Variants in KCNJ3 observed in about 807,000 individuals in gnomAD.
KCNJ3 encodes G protein-activated inward rectifier potassium channel 1.
KCNJ3 carries 4 observed loss-of-function variants against 39.2 expected under a neutral mutation model. That is an observed-to-expected ratio of 0.10 (90% CI 0.05 to 0.23). The LOEUF (loss-of-function observed/expected upper bound fraction) is 0.23. Among genes scored for constraint, KCNJ3 ranks in the 10% least tolerant of loss-of-function variants. KCNJ3 has a pLI of 1.00. For missense variants in KCNJ3, 276 were observed against 634.9 expected, an observed-to-expected ratio of 0.43 and a Z score of 6.08; for synonymous variants, 230 against 237.4, an observed-to-expected ratio of 0.97 and a Z score of 0.29.
chr2:154,749,166 A>G (rs565079089), intron 2 of KCNJ3, among the ~76,000 whole-genome samples: 1 of 152,118 alleles, frequency 6.6e-6, no homozygotes, highest in African/African-American at 2.4e-5. Flanking sequence ...TTTGTTATAA[A>G]TTATCATTTA....
intron 2 of KCNJ3, among the ~76,000 whole-genome samples, chr2:154,851,782 C>T (rs986565993): frequency 2.6e-5 from 4 of 152,060 alleles, no homozygotes; most frequent in African/African-American, 7.2e-5. Flanking sequence ...TTTGAATACA[C>T]GTTTCCACTG....
intron 2 of KCNJ3, among the ~76,000 whole-genome samples, chr2:154,720,859 A>T (rs1318932107): frequency 6.6e-6 from 1 of 152,148 alleles, no homozygotes; most frequent in Non-Finnish European, 1.5e-5. Flanking sequence ...CTGATTCAGC[A>T]GTTCCCCAGA....
chr2:154,833,853 T>C (rs1208126569), intron 2 of KCNJ3, among the ~76,000 whole-genome samples: 1 of 152,080 alleles, frequency 6.6e-6, no homozygotes, highest in South Asian at 2.1e-4. Context: ...CTTCATGTTT[T>C]TTTGTGGCTT....
intron 2 of KCNJ3, among the ~76,000 whole-genome samples, chr2:154,769,634 G>T (rs1229029000): frequency 1.3e-5 from 2 of 152,104 alleles, no homozygotes; most frequent in African/African-American, 4.8e-5. Context: ...CAGGGATATT[G>T]GTCTAAAATT....
chr2:154,705,585 TA>T (rs1199398888), intron 1 of KCNJ3, among the ~76,000 whole-genome samples: 1 of 152,110 alleles, frequency 6.6e-6, no homozygotes, highest in African/African-American at 2.4e-5. Context: ...TAAATGACTA[TA>T]AAATGTGACA....
intron 2 of KCNJ3, among the ~76,000 whole-genome samples, chr2:154,822,062 T>C (rs957391391): frequency 1.3e-5 from 2 of 152,162 alleles, no homozygotes; most frequent in African/African-American, 4.8e-5. Flanking sequence ...GTTCACTACC[T>C]ATACAGTATT....
chr2:154,759,169 C>T (rs1685992432), intron 2 of KCNJ3, among the ~76,000 whole-genome samples: 1 of 152,146 alleles, frequency 6.6e-6, no homozygotes, highest in African/African-American at 2.4e-5. Flanking sequence ...GCTATGAAAG[C>T]ACAGGATTGT....
At chr2:154,737,977 C>A (rs879415822) in intron 2 of KCNJ3, among the ~76,000 whole-genome samples, 2 of 152,070 alleles carry the variant, frequency 1.3e-5, no homozygotes, top group Non-Finnish European at 2.9e-5. Flanking sequence ...TGATTAAATT[C>A]GTTAAAATTA....
chr2:154,746,652 G>GTA (rs1558863025), intron 2 of KCNJ3, among the ~76,000 whole-genome samples: 1 of 143,570 alleles, frequency 7.0e-6, no homozygotes, highest in East Asian at 2.0e-4. Flanking sequence ...GTATATATAT[G>GTA]TGTGTGTGTG....
intron 2 of KCNJ3, among the ~76,000 whole-genome samples, chr2:154,726,796 TACACACAC>T (rs58366846): frequency 0.012 from 1,390 of 115,450 alleles, 9 homozygotes; most frequent in South Asian, 0.038. Context: ...TTTATATACA[TACACACAC>T]ACACACACAC....
At chr2:154,812,438 AAG>A (rs1031606717) in intron 2 of KCNJ3, among the ~76,000 whole-genome samples, 5 of 152,160 alleles carry the variant, frequency 3.3e-5, no homozygotes, top group Admixed American at 6.5e-5. Context: ...TTAATTTTAA[AAG>A]AGTCTTTAAA....
chr2:154,850,107 C>T (rs1240485978), intron 2 of KCNJ3, among the ~76,000 whole-genome samples: 2 of 123,772 alleles, frequency 1.6e-5, no homozygotes, highest in African/African-American at 6.2e-5. Flanking sequence ...GCATCTGTTG[C>T]TTTGCCAGTT....
At chr2:154,786,338 CCA>C (rs1686529062) in intron 2 of KCNJ3, among the ~76,000 whole-genome samples, 1 of 151,930 alleles carries the variant, frequency 6.6e-6, no homozygotes. Flanking sequence ...CCCTTGGGAA[CCA>C]AGGGGACATA....
chr2:154,840,034 T>C (rs1687548412), intron 2 of KCNJ3, among the ~76,000 whole-genome samples: 1 of 152,206 alleles, frequency 6.6e-6, no homozygotes, highest in Admixed American at 6.5e-5. Flanking sequence ...TGAATGGTAT[T>C]GCCTAGGTTT....
At chr2:154,843,835 C>T (rs1031499894) in intron 2 of KCNJ3, among the ~76,000 whole-genome samples, 4 of 152,088 alleles carry the variant, frequency 2.6e-5, no homozygotes, top group South Asian at 2.1e-4. Context: ...GTTAGCCATT[C>T]GTCTAATCTT....
At chr2:154,743,760 T>C (rs887883995) in intron 2 of KCNJ3, among the ~76,000 whole-genome samples, 1 of 151,652 alleles carries the variant, frequency 6.6e-6, no homozygotes, top group Admixed American at 6.6e-5. Context: ...AAGAAAATCA[T>C]GCAATCTCCA....
chr2:154,821,720 C>A lies in KCNJ3; in HGVS notation c.920-33007C>A, dbSNP rs531622173. ...TTAGTGGTGCGATCTCCGCTCACCG[C>A]AACTTTGCCTCCCTCGTTCAAGCAA... On this transcript the variant is annotated intron_variant, in intron 2 of 2. Transcript: ENST00000295101. Among the ~76,000 whole-genome samples the A allele has an allele frequency of 1.2e-4, 18 of 144,928 alleles. No individual in the cohort carries two copies. In the South Asian group the frequency reaches 1.3e-3, roughly 11 times the overall value.
intron 2 of KCNJ3, among the ~76,000 whole-genome samples, chr2:154,722,828 G>A (rs916769794): frequency 2.0e-5 from 3 of 152,170 alleles, no homozygotes; most frequent in African/African-American, 7.2e-5. Flanking sequence ...ATTGCTAGAG[G>A]AAGTTTGAAC....
chr2:154,740,467 T>G (rs544409512), intron 2 of KCNJ3, among the ~76,000 whole-genome samples: 1 of 152,024 alleles, frequency 6.6e-6, no homozygotes, highest in Non-Finnish European at 1.5e-5. Flanking sequence ...TAATATCTCA[T>G]TGCCATTGTG....
Sources: allele counts gnomAD v4.1 joint callset (sites outside exome capture counted in the v4.1 genomes callset), GRCh38; gene constraint gnomAD v4.1.1; transcripts MANE v1.5; gene names NCBI Gene and HGNC (gene_info 2026-07-23, HGNC 2026-07-21).